SLC24A3: variants seen among roughly 807,000 people sequenced by gnomAD.
SLC24A3 encodes the protein sodium/potassium/calcium exchanger 3.
Under a neutral mutation model 75.8 loss-of-function variants are expected in SLC24A3, and 28 were observed. That is an observed-to-expected ratio of 0.37 (90% CI 0.27 to 0.51). The LOEUF (loss-of-function observed/expected upper bound fraction) is 0.51. SLC24A3 is among the 20% of genes least tolerant of loss of function. The pLI is 0.94. For synonymous variants in SLC24A3, 372 were observed against 334.1 expected, an observed-to-expected ratio of 1.11 and a Z score of -1.24; for missense variants, 663 against 847.8, an observed-to-expected ratio of 0.78 and a Z score of 2.71.
At chr20:19,534,040 T>A (rs1266772243) in intron 3 of SLC24A3, among the ~76,000 whole-genome samples, 1 of 152,248 alleles carries the variant, frequency 6.6e-6, no homozygotes, top group Non-Finnish European at 1.5e-5. Context: ...TCTGTTATGC[T>A]CATTTGTCTG....
intron 6 of SLC24A3, among the ~76,000 whole-genome samples, chr20:19,635,366 T>C (rs919866118): frequency 2.0e-5 from 3 of 152,146 alleles, no homozygotes; most frequent in African/African-American, 7.2e-5. Context: ...TCCTAGAGGG[T>C]CTCTCTGAGC....
chr20:19,267,802 T>A (rs577874724), intron 1 of SLC24A3, among the ~76,000 whole-genome samples: 28 of 152,220 alleles, frequency 1.8e-4, no homozygotes, highest in Non-Finnish European at 3.4e-4. Context: ...CCTTGAGGGA[T>A]GTGGAGCGAG....
chr20:19,593,787 C>G (rs377754227), intron 6 of SLC24A3, among the ~76,000 whole-genome samples: 97 of 152,336 alleles, frequency 6.4e-4, no homozygotes, highest in African/African-American at 2.2e-3. Flanking sequence ...GCTCAGTGCC[C>G]TCTTATCACC....
At chr20:19,496,242 C>T (rs2122536273) in intron 2 of SLC24A3, among the ~76,000 whole-genome samples, 1 of 152,304 alleles carries the variant, frequency 6.6e-6, no homozygotes, top group African/African-American at 2.4e-5. Context: ...TCCTCAACAC[C>T]AGCCAGCCGG....
At chr20:19,511,484 C>T (rs543326088) in intron 2 of SLC24A3, among the ~76,000 whole-genome samples, 6 of 152,216 alleles carry the variant, frequency 3.9e-5, no homozygotes, top group South Asian at 2.1e-4. Flanking sequence ...CCCGCCACCA[C>T]GCCCGGCTAA....
chr20:19,271,586 C>A (rs771296851), intron 1 of SLC24A3, among the ~76,000 whole-genome samples: 2 of 152,174 alleles, frequency 1.3e-5, no homozygotes, highest in African/African-American at 2.4e-5. Flanking sequence ...TGGAATCAGG[C>A]TAAAAGCCCA....
At chr20:19,648,843 T>C (rs2032167705) in intron 6 of SLC24A3, among the ~76,000 whole-genome samples, 1 of 152,208 alleles carries the variant, frequency 6.6e-6, no homozygotes, top group Admixed American at 6.5e-5. Context: ...TGTGAATGCA[T>C]TCCATAAATA....
chr20:19,674,992 A>G (rs902887778), intron 9 of SLC24A3, among the ~76,000 whole-genome samples: 7 of 152,196 alleles, frequency 4.6e-5, no homozygotes, highest in Non-Finnish European at 1.0e-4. Context: ...AGAGGTTGCA[A>G]TGAGCTGAGA....
rs2030940113 is a variant in SLC24A3, at chr20:19,565,413, G to A, written c.349-14587G>A. On this transcript the variant is annotated intron_variant, in intron 3 of 16. Transcript: ENST00000328041. ...GGGAATTTGTGTTCTCGGGGGGTGG[G>A]GGGTCAAATAACCAATGATTGATTG... 4.0e-5 allele frequency among the ~76,000 whole-genome samples: 3 copies of A among 74,448 alleles called. 1 individual carries two copies. The highest frequency in any genetic ancestry group is 1.5e-4 in the Admixed American group (1 of 6,622). 48.8% of individuals were successfully genotyped at this position (74,448 alleles called of 152,430 possible).
intron 2 of SLC24A3, among the ~76,000 whole-genome samples, chr20:19,322,992 G>A (rs1438137798): frequency 6.6e-6 from 1 of 151,854 alleles, no homozygotes; most frequent in Non-Finnish European, 1.5e-5. Flanking sequence ...GGATCACGAG[G>A]TCAGGAGATC....
chr20:19,550,959 A>G (rs1452941195), intron 3 of SLC24A3, among the ~76,000 whole-genome samples: 1 of 152,254 alleles, frequency 6.6e-6, no homozygotes, highest in Non-Finnish European at 1.5e-5. Context: ...AGGAAAGAGG[A>G]TGAGAACGTA....
At chr20:19,414,716 T>TA (rs1258758403) in intron 2 of SLC24A3, among the ~76,000 whole-genome samples, 1 of 152,180 alleles carries the variant, frequency 6.6e-6, no homozygotes, top group Non-Finnish European at 1.5e-5. Context: ...CTTTTCCTCT[T>TA]AAAATAGAAG....
Position 19,354,868 on chromosome 20 carries a change from A to G in SLC24A3, c.271+73781A>G, listed in dbSNP as rs192926786. Among the ~76,000 whole-genome samples, 422 of 152,212 alleles carry G rather than the reference A, an allele frequency of 2.8e-3. 3 individuals are homozygous for G. The highest frequency in any genetic ancestry group is 9.8e-3 in the African/African-American group (406 of 41,526). Reference sequence around the variant, plus strand: ...TGGAAAACAGTTTGGAATTCTCCCAATGCATGCTAGGTTCTTGCCAGCCTC... The same window carrying G: ...TGGAAAACAGTTTGGAATTCTCCCAGTGCATGCTAGGTTCTTGCCAGCCTC... On this transcript the variant is annotated intron_variant, in intron 2 of 16. Coordinates refer to ENST00000328041, the MANE Select transcript of SLC24A3 (RefSeq NM_020689.4).
At chr20:19,690,659 A>G (rs2032734776) in intron 12 of SLC24A3, among the ~76,000 whole-genome samples, 1 of 152,194 alleles carries the variant, frequency 6.6e-6, no homozygotes, top group African/African-American at 2.4e-5. Flanking sequence ...GGAATGTGCC[A>G]AATTCCAGGA....
chr20:19,479,009 C>T (rs1341721035), intron 2 of SLC24A3, among the ~76,000 whole-genome samples: 1 of 152,262 alleles, frequency 6.6e-6, no homozygotes, highest in Admixed American at 6.5e-5. Flanking sequence ...CTTTCCTCCT[C>T]CACAGAAAGC....
chr20:19,344,707 G>A (rs1383372880), intron 2 of SLC24A3, among the ~76,000 whole-genome samples: 1 of 152,158 alleles, frequency 6.6e-6, no homozygotes, highest in Non-Finnish European at 1.5e-5. Flanking sequence ...GTCTGCTATT[G>A]GTTGACGTTT....
intron 12 of SLC24A3, among the ~76,000 whole-genome samples, chr20:19,689,060 C>T (rs1241481804): frequency 1.3e-5 from 2 of 152,176 alleles, no homozygotes; most frequent in African/African-American, 2.4e-5. Flanking sequence ...GTGAAGAAAG[C>T]CTTATTGTTG....
chr20:19,523,941 C>A (rs1333237986), intron 3 of SLC24A3, among the ~76,000 whole-genome samples: 1 of 152,174 alleles, frequency 6.6e-6, no homozygotes, highest in Non-Finnish European at 1.5e-5. Flanking sequence ...CCTATTCTAC[C>A]TGAATACTGG....
intron 6 of SLC24A3, among the ~76,000 whole-genome samples, chr20:19,586,738 G>A (rs534993970): frequency 1.9e-4 from 29 of 152,192 alleles, no homozygotes; most frequent in Non-Finnish European, 3.5e-4. Flanking sequence ...GTGACACGCA[G>A]AGGGACACCT....
Sources: gnomAD v4.1 joint callset for allele counts (sites outside exome capture counted in the v4.1 genomes callset) on GRCh38, gnomAD v4.1.1 for gene constraint, MANE v1.5 for transcripts, NCBI Gene and HGNC (gene_info 2026-07-23, HGNC 2026-07-21) for gene names.